The following PHACTR1 variants were observed in gnomAD, a reference collection of about 807,000 sequenced individuals.
PHACTR1 encodes the protein phosphatase and actin regulator 1.
PHACTR1 carries 16 observed loss-of-function variants against 69.2 expected under a neutral mutation model. That is an observed-to-expected ratio of 0.23 (90% confidence interval 0.16 to 0.35). The LOEUF (loss-of-function observed/expected upper bound fraction) is 0.35. PHACTR1 is among the 10% of genes least tolerant of loss of function. The pLI, the probability that PHACTR1 is intolerant of heterozygous loss-of-function variation, is 1.00. For missense variants in PHACTR1, 510 were observed against 734.7 expected, an observed-to-expected ratio of 0.69 and a Z score of 3.54; for synonymous variants, 312 against 284.5, an observed-to-expected ratio of 1.10 and a Z score of -0.97.
At chr6:13,076,732 T>G (rs1304673145) in intron 5 of PHACTR1, among the ~76,000 whole-genome samples, 1 of 151,672 alleles carries the variant, frequency 6.6e-6, no homozygotes, top group Admixed American at 6.6e-5. Flanking sequence ...GAAGCTGGTG[T>G]TCAAGGTTGG....
intron 4 of PHACTR1, among the ~76,000 whole-genome samples, chr6:12,996,479 GATAAACT>G (rs1379443357): frequency 1.3e-5 from 2 of 152,104 alleles, no homozygotes; most frequent in Non-Finnish European, 2.9e-5. Flanking sequence ...AAATTTTCTA[GATAAACT>G]ATAAACTACC....
At chr6:12,896,188 G>A (rs368171585) in intron 4 of PHACTR1, among the ~76,000 whole-genome samples, 1 of 152,202 alleles carries the variant, frequency 6.6e-6, no homozygotes. Flanking sequence ...CCTTGTGTAC[G>A]TAAAGACATA....
At chr6:12,859,198 T>G (rs976656411) in intron 4 of PHACTR1, among the ~76,000 whole-genome samples, 4 of 152,158 alleles carry the variant, frequency 2.6e-5, no homozygotes, top group Non-Finnish European at 5.9e-5. Context: ...GGTAAGCCAA[T>G]GAAAATAATG....
chr6:12,853,980 G>T (rs940850885), intron 4 of PHACTR1, among the ~76,000 whole-genome samples: 1 of 152,036 alleles, frequency 6.6e-6, no homozygotes, highest in Non-Finnish European at 1.5e-5. Flanking sequence ...TTCCTGACTG[G>T]GACAAAAGCA....
chr6:12,830,690 A>G (rs1368671724), intron 4 of PHACTR1, among the ~76,000 whole-genome samples: 2 of 152,012 alleles, frequency 1.3e-5, no homozygotes, highest in East Asian at 3.9e-4. Flanking sequence ...CCCGGGTTCA[A>G]GCGATTCTCC....
At chr6:12,958,026 GC>G in intron 4 of PHACTR1, 4 of 985,404 alleles carry the variant, frequency 4.1e-6, no homozygotes, top group Non-Finnish European at 4.8e-6. Flanking sequence ...AGAGCTTTGG[GC>G]AGCCTTTAAG....
chr6:12,763,583 A>G (rs1768276581), intron 4 of PHACTR1, among the ~76,000 whole-genome samples: 1 of 152,196 alleles, frequency 6.6e-6, no homozygotes, highest in African/African-American at 2.4e-5. Context: ...TGAGGTGGGA[A>G]AGAAACAATG....
Position 13,026,528 on chromosome 6 carries a change from C to T in PHACTR1, c.251-26837C>T, listed in dbSNP as rs184044047. Among the ~76,000 whole-genome samples, 18 of 152,176 alleles carry T rather than the reference C, an allele frequency of 1.2e-4. No homozygotes were observed. In the East Asian group the frequency reaches 3.1e-3, roughly 26 times the overall value. On this transcript the variant is annotated intron_variant, in intron 4 of 14. Coordinates refer to ENST00000332995, the MANE Select transcript of PHACTR1 (RefSeq NM_030948.6). ...AACAAAAAACACAGGGAGTCTTGTG[C>T]TTTTATATCCATAGTGCTGGCTTGT...
intron 4 of PHACTR1, among the ~76,000 whole-genome samples, chr6:13,027,966 C>T (rs1250564897): frequency 1.3e-5 from 2 of 152,178 alleles, no homozygotes; most frequent in Admixed American, 6.5e-5. Flanking sequence ...TGTGAGCCAA[C>T]GCGCCTGGCC....
chr6:12,865,458 GT>G (rs1554156057), intron 4 of PHACTR1, among the ~76,000 whole-genome samples: 2 of 27,588 alleles, frequency 7.2e-5, no homozygotes, highest in East Asian at 0.015. Flanking sequence ...TGTTTAATGG[GT>G]GTGTGTGTGT....
chr6:13,073,331 A>ATTTTTTTTTTTTTTTTTTTTTT (rs10664160), intron 5 of PHACTR1, among the ~76,000 whole-genome samples: 2 of 65,672 alleles, frequency 3.0e-5, no homozygotes, highest in African/African-American at 6.8e-5. Context: ...CATTCCATGA[A>ATTTTTTTTTTTTTTTTTTTTTT]TTTTTTTTTT....
intron 4 of PHACTR1, among the ~76,000 whole-genome samples, chr6:12,983,623 T>C (rs1795778194): frequency 6.6e-6 from 1 of 152,200 alleles, no homozygotes; most frequent in Non-Finnish European, 1.5e-5. Flanking sequence ...TGTATCCATG[T>C]GCCATGTTGG....
At chr6:12,788,187 A>G (rs1214190887) in intron 4 of PHACTR1, among the ~76,000 whole-genome samples, 1 of 151,636 alleles carries the variant, frequency 6.6e-6, no homozygotes, top group Non-Finnish European at 1.5e-5. Flanking sequence ...ACACCTCAAC[A>G]AAGGAAACTG....
intron 4 of PHACTR1, among the ~76,000 whole-genome samples, chr6:13,052,992 G>T (rs1202950569): frequency 6.6e-6 from 1 of 152,112 alleles, no homozygotes; most frequent in African/African-American, 2.4e-5. Flanking sequence ...GATTGCGTCT[G>T]CCAAGTCTTA....
chr6:12,911,655 T>C (rs1786404936), intron 4 of PHACTR1, among the ~76,000 whole-genome samples: 2 of 152,178 alleles, frequency 1.3e-5, no homozygotes, highest in Non-Finnish European at 2.9e-5. Flanking sequence ...GATACTCAAA[T>C]GATTTTTTGT....
intron 2 of PHACTR1, 132 bp from the exon 3 acceptor site, chr6:12,718,567 G>C (rs2127553102): frequency 2.8e-6 from 1 of 358,810 alleles, no homozygotes; most frequent in South Asian, 1.1e-4. Flanking sequence ...GGTGGCTTTA[G>C]AATTGCAAAT....
At chr6:13,216,469 G>T (rs751824386) in intron 8 of PHACTR1, among the ~76,000 whole-genome samples, 3 of 152,216 alleles carry the variant, frequency 2.0e-5, no homozygotes, top group Admixed American at 6.5e-5. Context: ...CCTAGGTGTT[G>T]TTTGCTTGTG....
intron 4 of PHACTR1, among the ~76,000 whole-genome samples, chr6:12,882,584 A>C (rs1261775310): frequency 6.6e-6 from 1 of 152,226 alleles, no homozygotes; most frequent in Non-Finnish European, 1.5e-5. Flanking sequence ...TCTGAGGCAG[A>C]ATGTGAAAAT....
rs552170357 is a variant in PHACTR1, at chr6:12,946,402, G to A, written c.251-106963G>A. On this transcript the variant is annotated intron_variant, in intron 4 of 14. Coordinates refer to ENST00000332995, the MANE Select transcript of PHACTR1 (RefSeq NM_030948.6). ...GTTTTAGGAAGCCAATTCTGGTGGC[G>A]GTGTGAAAAACAAAGCTCCGAGATA... is the stretch of plus-strand genomic sequence containing the variant. 3.9e-5 allele frequency among the ~76,000 whole-genome samples: 6 copies of A among 152,150 alleles called. No homozygotes were observed. The East Asian group carries it at 5.8e-4, about 15-fold the overall frequency.
Sources: gnomAD v4.1 joint callset for allele counts (sites outside exome capture counted in the v4.1 genomes callset) on GRCh38, gnomAD v4.1.1 for gene constraint, MANE v1.5 for transcripts, NCBI Gene and HGNC (gene_info 2026-07-23, HGNC 2026-07-21) for gene names.